The following CDK2AP1 variants were observed in gnomAD, a reference collection of about 807,000 sequenced individuals.
The protein encoded by CDK2AP1 is cyclin-dependent kinase 2-associated protein 1.
CDK2AP1 carries 10 observed loss-of-function variants against 14.1 expected under a neutral mutation model. The ratio of observed to expected loss-of-function variants is 0.71; its 90% CI spans 0.44 to 1.20. The LOEUF is 1.20. CDK2AP1 is among the 50% of genes most tolerant of loss of function. The pLI is 0.00. For synonymous variants in CDK2AP1, 59 were observed against 59.8 expected, an observed-to-expected ratio of 0.99 and a Z score of 0.06; for missense variants, 102 against 149.9, an observed-to-expected ratio of 0.68 and a Z score of 1.67.
chr12:123,269,700 G>A (rs1033798617), intron 1 of CDK2AP1, among the ~76,000 whole-genome samples: 11 of 152,204 alleles, frequency 7.2e-5, no homozygotes, highest in African/African-American at 2.7e-4. Context: ...GGGGAGGCGG[G>A]GGCTTTGTCT....
chr12:123,266,616 T>G (rs1350395736), intron 2 of CDK2AP1, among the ~76,000 whole-genome samples: 1 of 152,176 alleles, frequency 6.6e-6, no homozygotes, highest in Non-Finnish European at 1.5e-5. Flanking sequence ...CTGGGGGTAC[T>G]AGGATCACCC....
intron 1 of CDK2AP1, 72 bp from the exon 2 acceptor site, chr12:123,267,354 C>G (rs1208780887): frequency 1.1e-6 from 1 of 897,058 alleles, no homozygotes; most frequent in African/African-American, 1.6e-5. Flanking sequence ...CCGGGTCCTG[C>G]AACAGCCCTT....
At chr12:123,269,364 AC>A (rs1217640837) in intron 1 of CDK2AP1, 1 of 152,404 alleles carries the variant, frequency 6.6e-6, no homozygotes, top group Admixed American at 6.5e-5. Flanking sequence ...TAGCTCGGTG[AC>A]CCCAGTGCTC....
chr12:123,270,832 C>T (rs942205840), intron 1 of CDK2AP1: 18 of 985,246 alleles, frequency 1.8e-5, no homozygotes, highest in Non-Finnish European at 2.2e-5. Context: ...CCCACGCCCG[C>T]GCGCGGGCCC....
chr12:123,271,538 G>A (rs972687545), intron 1 of CDK2AP1, 26 bp downstream of exon 1: 18 of 996,170 alleles, frequency 1.8e-5, no homozygotes, highest in Non-Finnish European at 2.0e-5. Flanking sequence ...GCGGCGCTTG[G>A]GGCGCGTCGC....
intron 1 of CDK2AP1, chr12:123,270,831 G>A: frequency 2.0e-6 from 2 of 985,408 alleles, no homozygotes; most frequent in Non-Finnish European, 2.4e-6. Flanking sequence ...CCCCACGCCC[G>A]CGCGCGGGCC....
chr12:123,261,996 C>G, intron 3 of CDK2AP1, 193 bp from the exon 4 acceptor site: 1 of 501,896 alleles, frequency 2.0e-6, no homozygotes, highest in East Asian at 3.2e-5. Context: ...AAAGCCCTTC[C>G]CTCCTCACCA....
At chr12:123,268,817 C>T (rs2138822198) in intron 1 of CDK2AP1, among the ~76,000 whole-genome samples, 1 of 152,308 alleles carries the variant, frequency 6.6e-6, no homozygotes, top group East Asian at 1.9e-4. Flanking sequence ...CCCCCAGAGC[C>T]CCCTAACTAC....
chr12:123,267,166 A>C lies in CDK2AP1; in HGVS notation c.153+19T>G. On this transcript the variant is annotated intron_variant, in intron 2 of 3. Transcript: ENST00000261692. ...CTCCCCCTGGCCCTCCCACCATGCC[A>C]TCACCCCCATTGACATACCTGGGTG... The C allele has an allele frequency of 7.0e-7, 1 of 1,419,790 alleles. No individual in the cohort carries two copies. 87.9% of individuals were successfully genotyped at this position (1,419,790 alleles called of 1,614,324 possible). A position where few individuals can be genotyped will look rare whatever the true frequency, so the allele number is the denominator to read the frequency against.
At chr12:123,263,027 A>G (rs1237461852) in intron 3 of CDK2AP1, among the ~76,000 whole-genome samples, 2 of 151,854 alleles carry the variant, frequency 1.3e-5, no homozygotes, top group South Asian at 2.1e-4. Flanking sequence ...CAGCCTGGCC[A>G]ACATGGTACA....
chr12:123,268,260 G>A, intron 1 of CDK2AP1: 3 of 985,340 alleles, frequency 3.0e-6, no homozygotes, highest in Non-Finnish European at 3.6e-6. Context: ...CTTGGCCTCG[G>A]GGACAGACAG....
intron 3 of CDK2AP1, among the ~76,000 whole-genome samples, chr12:123,263,007 A>C (rs2138810417): frequency 6.6e-6 from 1 of 151,888 alleles, no homozygotes; most frequent in South Asian, 2.1e-4. Context: ...TGAGGTCAGG[A>C]GTTTGAGACC....
chr12:123,264,852 C>T (rs952743955), intron 3 of CDK2AP1, among the ~76,000 whole-genome samples: 4 of 152,134 alleles, frequency 2.6e-5, no homozygotes, highest in East Asian at 1.9e-4. Context: ...GGACCAGTGT[C>T]GGCCCACAGG....
chr12:123,261,949 G>A, intron 3 of CDK2AP1, 146 bp from the exon 4 acceptor site: 1 of 645,182 alleles, frequency 1.5e-6, no homozygotes, highest in Non-Finnish European at 2.8e-6. Context: ...CTATAACCAA[G>A]CAACCCTGAA....
At chr12:123,267,419 C>T in intron 1 of CDK2AP1, 137 bp from the exon 2 acceptor site, 2 of 644,844 alleles carry the variant, frequency 3.1e-6, no homozygotes, top group South Asian at 3.4e-5. Context: ...CTCTCCACCT[C>T]CGGTTTGACC....
chr12:123,267,353 G>GC, intron 1 of CDK2AP1, 71 bp from the exon 2 acceptor site: 1 of 901,414 alleles, frequency 1.1e-6, no homozygotes, highest in Non-Finnish European at 1.9e-6. Flanking sequence ...TCCGGGTCCT[G>GC]CAACAGCCCT....
At chr12:123,271,485 G>C in intron 1 of CDK2AP1, 79 bp downstream of exon 1, 1 of 815,664 alleles carries the variant, frequency 1.2e-6, no homozygotes, top group East Asian at 1.2e-4. Context: ...CGGGCGCCCC[G>C]GGCATCCCCG....
At chr12:123,263,222 A>C (rs184180112) in intron 3 of CDK2AP1, among the ~76,000 whole-genome samples, 27 of 151,514 alleles carry the variant, frequency 1.8e-4, no homozygotes, top group African/African-American at 5.8e-4. Context: ...AAAAAAAAAA[A>C]AAAACAAAAA....
chr12:123,262,386 T>G (rs940390325), intron 3 of CDK2AP1: 5 of 152,296 alleles, frequency 3.3e-5, no homozygotes, highest in African/African-American at 1.2e-4. Context: ...TCATGAAATA[T>G]GATCTTTTAA....
Sources: allele counts gnomAD v4.1 joint callset (sites outside exome capture counted in the v4.1 genomes callset), GRCh38; gene constraint gnomAD v4.1.1; transcripts MANE v1.5; gene names NCBI Gene and HGNC (gene_info 2026-07-23, HGNC 2026-07-21).